Variants in SLC39A8 observed in about 807,000 individuals in gnomAD.
SLC39A8 encodes the protein metal cation symporter ZIP8.
Under a neutral mutation model 40.4 loss-of-function variants are expected in SLC39A8, and 15 were observed. That is an observed-to-expected ratio of 0.37 (90% CI 0.25 to 0.57). The LOEUF (loss-of-function observed/expected upper bound fraction) is 0.57, where lower values mean the gene tolerates loss of function less well. Among genes scored for constraint, SLC39A8 ranks in the 20% least tolerant of loss-of-function variants. SLC39A8 has a pLI of 0.75. For synonymous variants in SLC39A8, 223 were observed against 221.6 expected (o/e 1.01, Z -0.06); for missense variants, 472 against 558.8 (o/e 0.84, Z 1.57).
rs181535820 is a variant in SLC39A8, at chr4:102,306,392, T to C, written c.552+1044A>G. ...ATTGTAAGGCTATAATCAAATTATT[T>C]AACCACCCTAAATTTTAATATTTTT... On this transcript the variant is annotated intron_variant, in intron 4 of 8. Transcript: ENST00000356736. Among the ~76,000 whole-genome samples the C allele has an allele frequency of 3.3e-5, 5 of 152,098 alleles. No individual in the cohort carries two copies. In the East Asian group the frequency reaches 9.7e-4, roughly 29 times the overall value.
intron 6 of SLC39A8, among the ~76,000 whole-genome samples, chr4:102,287,554 AC>A (rs1733237524): frequency 6.6e-6 from 1 of 152,054 alleles, no homozygotes; most frequent in Non-Finnish European, 1.5e-5. Context: ...CATTTGCATC[AC>A]GTCCCACCCC....
At chr4:102,282,409 A>G (rs766709924) in intron 6 of SLC39A8, among the ~76,000 whole-genome samples, 1 of 152,230 alleles carries the variant, frequency 6.6e-6, no homozygotes, top group African/African-American at 2.4e-5. Context: ...GTGCATAAAA[A>G]AAGTTCATTA....
chr4:102,297,239 T>A (rs1733717494), intron 6 of SLC39A8, among the ~76,000 whole-genome samples: 1 of 121,130 alleles, frequency 8.3e-6, no homozygotes, highest in Non-Finnish European at 1.8e-5. Flanking sequence ...GGCAGCGTAG[T>A]GTAAGGTAAG....
rs72924870 is a variant in SLC39A8 at position 102,293,799 on chromosome 4, A to T, written c.840+10518T>A. Among the ~76,000 whole-genome samples the T allele has an allele frequency of 6.5e-3, 995 of 152,110 alleles. 15 individuals carry two copies. The highest frequency in any genetic ancestry group is 0.023 in the African/African-American group (949 of 41,552). The stretch of plus-strand genomic sequence containing the variant: ...ATCTCCACAATGATATTGATATGGA[A>T]AAACAAAGACAACTTTTAGTGAAAA... On this transcript the variant is annotated intron_variant, in intron 6 of 8. Transcript: ENST00000356736.
chr4:102,327,865 A>T (rs186087057), intron 2 of SLC39A8, among the ~76,000 whole-genome samples: 1 of 152,350 alleles, frequency 6.6e-6, no homozygotes, highest in Admixed American at 6.5e-5. Context: ...TCATCTACCA[A>T]GACCTCTGAG....
intron 6 of SLC39A8, among the ~76,000 whole-genome samples, chr4:102,270,853 C>G (rs1045717369): frequency 3.3e-5 from 5 of 151,922 alleles, no homozygotes; most frequent in Non-Finnish European, 7.4e-5. Context: ...TATGTTGAAT[C>G]CCAACATAAA....
At chr4:102,315,172 T>C (rs1264289837) in intron 3 of SLC39A8, among the ~76,000 whole-genome samples, 1 of 152,154 alleles carries the variant, frequency 6.6e-6, no homozygotes, top group Non-Finnish European at 1.5e-5. Flanking sequence ...ACCATTATAG[T>C]CACTTAAAAT....
chr4:102,339,492 C>G (rs983095639), intron 2 of SLC39A8, among the ~76,000 whole-genome samples: 2 of 152,216 alleles, frequency 1.3e-5, no homozygotes, highest in Admixed American at 1.3e-4. Flanking sequence ...TACATACACT[C>G]CTTTTTGCTA....
chr4:102,341,301 G>T (rs1025434805), intron 2 of SLC39A8, among the ~76,000 whole-genome samples: 1 of 152,104 alleles, frequency 6.6e-6, no homozygotes, highest in African/African-American at 2.4e-5. Flanking sequence ...TAGAAAATAG[G>T]ATCTTCCTTT....
intron 2 of SLC39A8, among the ~76,000 whole-genome samples, chr4:102,316,719 A>C (rs1035963254): frequency 2.0e-5 from 3 of 152,154 alleles, no homozygotes; most frequent in African/African-American, 7.2e-5. Flanking sequence ...CCAATGCTTA[A>C]ACCCCAATAA....
chr4:102,270,219 C>CA (rs5860722), intron 6 of SLC39A8, among the ~76,000 whole-genome samples: 67,699 of 151,928 alleles, frequency 0.45, 15,164 homozygotes, highest in Middle Eastern at 0.51. Flanking sequence ...CCTGATATCA[C>CA]TACAGAGTCT....
At chr4:102,319,393 G>A (rs1734804847) in intron 2 of SLC39A8, among the ~76,000 whole-genome samples, 1 of 152,136 alleles carries the variant, frequency 6.6e-6, no homozygotes, top group Non-Finnish European at 1.5e-5. Flanking sequence ...TGACTAAACT[G>A]CAGTCAGGCT....
At position 102,290,941 on chromosome 4, in the gene SLC39A8, G is replaced by C. The variant is rs1372118008; in HGVS notation, c.840+13376C>G. The stretch of plus-strand genomic sequence containing the variant: ...CTTTTCATTGTGAACAGCTCCACTT[G>C]TACTCTATTTTCATTTTTTCTCTAG... On this transcript the variant is annotated intron_variant, in intron 6 of 8. Transcript: ENST00000356736. 3.9e-5 allele frequency among the ~76,000 whole-genome samples: 6 copies of C among 151,968 alleles called. No homozygotes were observed. The East Asian group carries it at 7.8e-4, about 20-fold the overall frequency.
intron 4 of SLC39A8, among the ~76,000 whole-genome samples, chr4:102,305,453 T>C (rs1734128100): frequency 1.3e-5 from 2 of 151,982 alleles, no homozygotes; most frequent in Non-Finnish European, 2.9e-5. Context: ...TAGAATACGA[T>C]ATTAGGTCTA....
chr4:102,302,359 A>C (rs1253621741), intron 6 of SLC39A8, among the ~76,000 whole-genome samples: 1 of 152,014 alleles, frequency 6.6e-6, no homozygotes, highest in East Asian at 1.9e-4. Context: ...GTCAGAGTTC[A>C]ACCACAATCT....
In SLC39A8 at chr4:102,263,196, A is replaced by G; in HGVS notation, c.1234-3T>C. ...AGCATATCATTCATCTCTGGAAACTAGAAGACAGATATATTGTTAGATAAC... is the reference window on the plus strand; with the variant it reads ...AGCATATCATTCATCTCTGGAAACTGGAAGACAGATATATTGTTAGATAAC... On this transcript the variant is annotated splice_polypyrimidine_tract_variant and splice_region_variant and intron_variant, in intron 8 of 8. Coordinates refer to ENST00000356736, the MANE Select transcript of SLC39A8 (RefSeq NM_001135146.2). 2 of 1,612,782 alleles carry G rather than the reference A, an allele frequency of 1.2e-6. No individual in the cohort carries two copies. The highest frequency in any genetic ancestry group is 1.7e-6 in the Non-Finnish European group (2 of 1,179,192).
intron 6 of SLC39A8, among the ~76,000 whole-genome samples, chr4:102,289,446 T>C (rs1266544461): frequency 2.6e-5 from 4 of 152,180 alleles, no homozygotes; most frequent in African/African-American, 9.7e-5. Context: ...AGGAGTAGTT[T>C]TGACTTACAA....
intron 2 of SLC39A8, among the ~76,000 whole-genome samples, chr4:102,336,631 G>T (rs889821369): frequency 6.6e-6 from 1 of 152,128 alleles, no homozygotes; most frequent in Non-Finnish European, 1.5e-5. Flanking sequence ...CTTTAATCTA[G>T]ACTCAACAGA....
At chr4:102,316,858 A>T (rs921656014) in intron 2 of SLC39A8, among the ~76,000 whole-genome samples, 1 of 152,126 alleles carries the variant, frequency 6.6e-6, no homozygotes, top group African/African-American at 2.4e-5. Flanking sequence ...GAGTTCATGA[A>T]GTTGGGGCCC....
Sources: allele counts gnomAD v4.1 joint callset (sites outside exome capture counted in the v4.1 genomes callset), GRCh38; gene constraint gnomAD v4.1.1; transcripts MANE v1.5; gene names NCBI Gene and HGNC (gene_info 2026-07-23, HGNC 2026-07-21).